SLC8A1: variants seen among roughly 807,000 people sequenced by gnomAD.
SLC8A1 encodes sodium/calcium exchanger 1.
A neutral mutation model predicts 68.3 loss-of-function variants in SLC8A1; 18 were observed. The ratio of observed to expected loss-of-function variants is 0.26; its 90% CI spans 0.18 to 0.39. The LOEUF (loss-of-function observed/expected upper bound fraction) is 0.39. Ranked by LOEUF, SLC8A1 falls within the 10% of genes least tolerant of loss-of-function variation. The pLI, the probability that SLC8A1 is intolerant of heterozygous loss-of-function variation, is 1.00. For missense variants in SLC8A1, 985 were observed against 1,156.7 expected, an observed-to-expected ratio of 0.85 and a Z score of 2.15; for synonymous variants, 475 against 415.5, an observed-to-expected ratio of 1.14 and a Z score of -1.74.
At chr2:40,376,608 A>G (rs1290855339) in intron 2 of SLC8A1, among the ~76,000 whole-genome samples, 1 of 152,094 alleles carries the variant, frequency 6.6e-6, no homozygotes, top group Non-Finnish European at 1.5e-5. Context: ...AAGGAAAAGG[A>G]AAGGAAAGTT....
intron 7 of SLC8A1, among the ~76,000 whole-genome samples, chr2:40,121,199 C>T (rs1384823229): frequency 6.6e-6 from 1 of 152,158 alleles, no homozygotes; most frequent in African/African-American, 2.4e-5. Flanking sequence ...TAATCAGACT[C>T]TCTGAGGACG....
intron 1 of SLC8A1, among the ~76,000 whole-genome samples, chr2:40,492,005 T>C (rs1178966405): frequency 2.6e-5 from 4 of 152,096 alleles, no homozygotes; most frequent in African/African-American, 7.2e-5. Context: ...TTAAAGTTCA[T>C]ATGGAACCAA....
At chr2:40,449,096 T>G (rs963525951) in intron 1 of SLC8A1, among the ~76,000 whole-genome samples, 1 of 151,288 alleles carries the variant, frequency 6.6e-6, no homozygotes, top group Non-Finnish European at 1.5e-5. Flanking sequence ...CTATCCTCCC[T>G]GTACCTAAAA....
At chr2:40,310,381 T>C (rs1297202844) in intron 2 of SLC8A1, among the ~76,000 whole-genome samples, 1 of 152,090 alleles carries the variant, frequency 6.6e-6, no homozygotes, top group East Asian at 1.9e-4. Context: ...AATTGAGAAT[T>C]GAGGAAAGAA....
chr2:40,161,016 T>A (rs1044267959), intron 5 of SLC8A1, 152 bp from the exon 9 acceptor site: 8 of 608,554 alleles, frequency 1.3e-5, no homozygotes, highest in East Asian at 5.6e-5. Context: ...CTGTTATGAT[T>A]ATGCAAACAA....
chr2:40,138,929 A>G (rs926349161), intron 7 of SLC8A1, among the ~76,000 whole-genome samples: 5 of 152,216 alleles, frequency 3.3e-5, no homozygotes, highest in South Asian at 2.1e-4. Context: ...TGTCTCATTA[A>G]TATTTGGGTC....
In SLC8A1 at chr2:40,180,198, CCTGA is replaced by C. The variant is rs557839697; in HGVS notation, c.1809-2347_1809-2344del. Among the ~76,000 whole-genome samples the C allele has an allele frequency of 3.0e-4, 44 of 148,672 alleles. 1 individual carries two copies. In the East Asian group the frequency reaches 6.2e-3, roughly 21 times the overall value. On this transcript the variant is annotated intron_variant, in intron 2 of 7. Transcript: ENST00000406785. ...ACATGTATACTGTAAACAGCTCCTT[CCTGA>C]CTTTTAGAATTATTTTTTAAATTTG... is the stretch of plus-strand genomic sequence containing the variant.
intron 2 of SLC8A1, among the ~76,000 whole-genome samples, chr2:40,358,413 G>A (rs1203681265): frequency 6.6e-6 from 1 of 152,102 alleles, no homozygotes; most frequent in African/African-American, 2.4e-5. Flanking sequence ...ATCGTTTCAG[G>A]TACTTAGGAA....
chr2:40,202,519 A>G (rs945242605), intron 2 of SLC8A1, among the ~76,000 whole-genome samples: 8 of 152,058 alleles, frequency 5.3e-5, no homozygotes, highest in Non-Finnish European at 1.0e-4. Context: ...ATTTCTGAAT[A>G]GAAGGGGAAA....
intron 2 of SLC8A1, among the ~76,000 whole-genome samples, chr2:40,394,280 A>G (rs569540367): frequency 1.3e-5 from 2 of 152,276 alleles, no homozygotes; most frequent in African/African-American, 4.8e-5. Context: ...GTGGGGGGTG[A>G]ATACAGCCAT....
chr2:40,215,397 G>C (rs10167744), intron 2 of SLC8A1, among the ~76,000 whole-genome samples: 17,596 of 151,994 alleles, frequency 0.12, 1,092 homozygotes, highest in Non-Finnish European at 0.13. Flanking sequence ...CAGCACTTTG[G>C]GAGGCCGAGG....
intron 2 of SLC8A1, among the ~76,000 whole-genome samples, chr2:40,370,270 C>T (rs191490408): frequency 6.6e-6 from 1 of 152,258 alleles, no homozygotes; most frequent in South Asian, 2.1e-4. Flanking sequence ...TCTGAGAGCT[C>T]AGACATTTTT....
intron 2 of SLC8A1, among the ~76,000 whole-genome samples, chr2:40,273,486 A>G (rs2066308339): frequency 6.6e-6 from 1 of 152,238 alleles, no homozygotes; most frequent in African/African-American, 2.4e-5. Flanking sequence ...CAAAGTTCAC[A>G]TATCCTAGTG....
intron 1 of SLC8A1, among the ~76,000 whole-genome samples, chr2:40,461,504 G>C (rs1009932823): frequency 6.6e-6 from 1 of 152,102 alleles, no homozygotes; most frequent in Non-Finnish European, 1.5e-5. Flanking sequence ...TGCAAGTAAG[G>C]AGGAGGTGAA....
chr2:40,371,773 T>A (rs1054160066), intron 2 of SLC8A1, among the ~76,000 whole-genome samples: 7 of 152,216 alleles, frequency 4.6e-5, no homozygotes, highest in African/African-American at 1.7e-4. Context: ...GTTGATCATA[T>A]CCTCTGGAAA....
At chr2:40,399,540 C>CA (rs1056989253) in intron 2 of SLC8A1, among the ~76,000 whole-genome samples, 4 of 152,028 alleles carry the variant, frequency 2.6e-5, no homozygotes, top group Admixed American at 6.6e-5. Flanking sequence ...GGTCTAGATC[C>CA]AAAAAATAAA....
intron 2 of SLC8A1, among the ~76,000 whole-genome samples, chr2:40,307,973 T>G (rs1213445547): frequency 1.3e-5 from 2 of 150,892 alleles, no homozygotes; most frequent in African/African-American, 4.9e-5. Context: ...GCTAAAAGAG[T>G]CAGAAAAATA....
At chr2:40,506,682 A>G (rs533108563) in intron 1 of SLC8A1, among the ~76,000 whole-genome samples, 14 of 128,296 alleles carry the variant, frequency 1.1e-4, no homozygotes, top group Middle Eastern at 3.6e-3. Flanking sequence ...TTGTGTTTAA[A>G]TCTCTAATCT....
chr2:40,356,143 C>G (rs940282723), intron 2 of SLC8A1, among the ~76,000 whole-genome samples: 4 of 152,182 alleles, frequency 2.6e-5, no homozygotes, highest in African/African-American at 9.6e-5. Context: ...ATGTGTCCTA[C>G]CCACCCCCAG....
Sources: allele counts gnomAD v4.1 joint callset (sites outside exome capture counted in the v4.1 genomes callset), GRCh38; gene constraint gnomAD v4.1.1; transcripts MANE v1.5; gene names NCBI Gene and HGNC (gene_info 2026-07-23, HGNC 2026-07-21).